Variants in EXOC4 observed in about 807,000 individuals in gnomAD.
EXOC4 encodes SEC8-like 1.
In EXOC4, 71 loss-of-function variants were observed where a neutral mutation model predicts 107.2. That is an observed-to-expected ratio of 0.66 (90% CI 0.55 to 0.81). The LOEUF is 0.81. Ranked by LOEUF, EXOC4 falls within the 30% of genes least tolerant of loss-of-function variation. The probability of loss-of-function intolerance (pLI) is 0.00; values close to 1 mark genes in which losing one functional copy is unlikely to be tolerated. For synonymous variants in EXOC4, 456 were observed against 441.2 expected (o/e 1.03, Z -0.42); for missense variants, 1,108 against 1,189.6 (o/e 0.93, Z 1.01).
chr7:134,022,667 A>G (rs1795053530), intron 17 of EXOC4, among the ~76,000 whole-genome samples: 1 of 152,170 alleles, frequency 6.6e-6, no homozygotes, highest in Non-Finnish European at 1.5e-5. Flanking sequence ...ACCAACCTCT[A>G]TGTTGACTCA....
intron 9 of EXOC4, among the ~76,000 whole-genome samples, chr7:133,539,229 G>A (rs1297946832): frequency 1.3e-5 from 2 of 152,106 alleles, no homozygotes; most frequent in African/African-American, 4.8e-5. Context: ...GGAATGGACA[G>A]AGCAGCATTC....
chr7:133,710,163 A>C (rs1794855045), intron 10 of EXOC4, among the ~76,000 whole-genome samples: 1 of 152,164 alleles, frequency 6.6e-6, no homozygotes, highest in Non-Finnish European at 1.5e-5. Flanking sequence ...CAGAAGCAGC[A>C]ATGGTGATAG....
intron 11 of EXOC4, among the ~76,000 whole-genome samples, chr7:133,842,596 G>A (rs1017354177): frequency 6.6e-6 from 1 of 152,130 alleles, no homozygotes; most frequent in Admixed American, 6.5e-5. Flanking sequence ...AATGTAGGTT[G>A]TCTGTTTACT....
intron 9 of EXOC4, among the ~76,000 whole-genome samples, chr7:133,494,645 T>G (rs896972514): frequency 6.6e-6 from 1 of 152,248 alleles, no homozygotes; most frequent in African/African-American, 2.4e-5. Context: ...AGTGGTTGAC[T>G]ATCATTTCTA....
At chr7:133,639,615 G>A (rs537786737) in intron 10 of EXOC4, among the ~76,000 whole-genome samples, 2 of 152,164 alleles carry the variant, frequency 1.3e-5, no homozygotes, top group African/African-American at 2.4e-5. Flanking sequence ...AGAAGAAGGT[G>A]GAAGCATCAT....
chr7:133,526,387 C>T (rs1333184868), intron 9 of EXOC4, among the ~76,000 whole-genome samples: 1 of 152,150 alleles, frequency 6.6e-6, no homozygotes, highest in Non-Finnish European at 1.5e-5. Context: ...ATTTAAAATA[C>T]ACCAGTTATT....
chr7:133,714,462 C>G (rs1044337586), intron 10 of EXOC4, among the ~76,000 whole-genome samples: 22 of 152,170 alleles, frequency 1.4e-4, no homozygotes, highest in African/African-American at 5.3e-4. Flanking sequence ...AGCCAGGATT[C>G]AATTCCTGAT....
chr7:133,335,897 A>G (rs913281728), intron 5 of EXOC4, among the ~76,000 whole-genome samples: 2 of 151,936 alleles, frequency 1.3e-5, no homozygotes, highest in East Asian at 3.9e-4. Flanking sequence ...GGGTATGAGG[A>G]TATATCTGAT....
At chr7:133,395,258 C>T (rs1319555470) in intron 7 of EXOC4, among the ~76,000 whole-genome samples, 2 of 151,884 alleles carry the variant, frequency 1.3e-5, no homozygotes, top group South Asian at 2.1e-4. Flanking sequence ...ATAAAGTAGT[C>T]TTAAAATTTT....
intron 10 of EXOC4, among the ~76,000 whole-genome samples, chr7:133,664,639 A>T (rs1199780324): frequency 6.6e-6 from 1 of 152,168 alleles, no homozygotes; most frequent in East Asian, 1.9e-4. Context: ...GCTAACCCAT[A>T]AAGGCAAACA....
chr7:133,862,484 G>C (rs1388889599), intron 11 of EXOC4, among the ~76,000 whole-genome samples: 1 of 151,636 alleles, frequency 6.6e-6, no homozygotes, highest in Non-Finnish European at 1.5e-5. Context: ...CTTCGTCTCA[G>C]GGGGCGGGGA....
chr7:133,709,319 A>T (rs1794834422), intron 10 of EXOC4, among the ~76,000 whole-genome samples: 1 of 152,216 alleles, frequency 6.6e-6, no homozygotes, highest in South Asian at 2.1e-4. Flanking sequence ...ATAAAAAGGA[A>T]GCAAGACAGT....
rs539741389 is a variant in EXOC4, at chr7:133,597,335, C to T, written c.1418-32710C>T. Among the ~76,000 whole-genome samples, 4 of 151,784 alleles carry T rather than the reference C, an allele frequency of 2.6e-5. No homozygotes were observed. In the South Asian group the frequency reaches 8.3e-4, roughly 32 times the overall value. ...TTGGGAGGCCGAGGCGGGTGGATCA[C>T]CTAAGATTAGGAGATCCAGACCAGC... On this transcript the variant is annotated intron_variant, in intron 9 of 17. Coordinates refer to ENST00000253861, the MANE Select transcript of EXOC4 (RefSeq NM_021807.4).
At chr7:133,782,336 C>T (rs988376819) in intron 10 of EXOC4, among the ~76,000 whole-genome samples, 4 of 152,140 alleles carry the variant, frequency 2.6e-5, no homozygotes, top group African/African-American at 9.7e-5. Flanking sequence ...AAGCAAGTAT[C>T]CCTCCTTGGT....
At chr7:133,604,706 C>CCTTCTTTTTTTTTTTTTTTTTTTTT (rs1191856891) in intron 9 of EXOC4, among the ~76,000 whole-genome samples, 1 of 87,536 alleles carries the variant, frequency 1.1e-5, no homozygotes, top group African/African-American at 4.4e-5. Flanking sequence ...TTCCTTCCTT[C>CCTTCTTTTTTTTTTTTTTTTTTTTT]TTTCTTTTTT....
chr7:133,331,117 A>G, intron 5 of EXOC4, among the ~76,000 whole-genome samples: 1 of 152,194 alleles, frequency 6.6e-6, no homozygotes, highest in African/African-American at 2.4e-5. Context: ...TATAAAATGC[A>G]AAGTCAAGGC....
intron 10 of EXOC4, among the ~76,000 whole-genome samples, chr7:133,686,532 A>T (rs1267690369): frequency 6.6e-6 from 1 of 152,168 alleles, no homozygotes; most frequent in Non-Finnish European, 1.5e-5. Context: ...CTCCCAAAAA[A>T]GTATCTAAGA....
At chr7:133,793,873 A>AAAG (rs1470868751) in intron 10 of EXOC4, among the ~76,000 whole-genome samples, 1 of 83,754 alleles carries the variant, frequency 1.2e-5, no homozygotes, top group African/African-American at 4.3e-5. Context: ...AATAAATAAA[A>AAAG]TGCCCTAAAA....
At chr7:133,911,682 A>G (rs1799699204) in intron 12 of EXOC4, among the ~76,000 whole-genome samples, 1 of 152,238 alleles carries the variant, frequency 6.6e-6, no homozygotes, top group Non-Finnish European at 1.5e-5. Flanking sequence ...TAATGCTAAA[A>G]TGGAAAATTC....
Sources: allele counts gnomAD v4.1 joint callset (sites outside exome capture counted in the v4.1 genomes callset), GRCh38; gene constraint gnomAD v4.1.1; transcripts MANE v1.5; gene names NCBI Gene and HGNC (gene_info 2026-07-23, HGNC 2026-07-21).